The following ABCC2 variants were observed in gnomAD, a reference collection of about 807,000 sequenced individuals.
ABCC2 encodes the protein ATP-binding cassette sub-family C member 2.
A neutral mutation model predicts 173.4 loss-of-function variants in ABCC2; 157 were observed. The ratio of observed to expected loss-of-function variants is 0.91; its 90% CI spans 0.80 to 1.03. The LOEUF (loss-of-function observed/expected upper bound fraction) is 1.03, where lower values mean the gene tolerates loss of function less well. ABCC2 is among the 50% of genes least tolerant of loss of function. The pLI is 0.00. For missense variants in ABCC2, 1,822 were observed against 1,852.3 expected (o/e 0.98, Z 0.30); for synonymous variants, 657 against 693.5 (o/e 0.95, Z 0.83).
At chr10:99,797,432 T>A in intron 7 of ABCC2, 101 bp downstream of exon 7, 1 of 987,266 alleles carries the variant, frequency 1.0e-6, no homozygotes, top group Non-Finnish European at 1.6e-6. Flanking sequence ...TAGCACTTCA[T>A]ACTTCTCAGT....
intron 16 of ABCC2, 44 bp from the exon 17 acceptor site, chr10:99,817,264 T>C (rs746117065): frequency 1.9e-6 from 3 of 1,603,790 alleles, no homozygotes; most frequent in Middle Eastern, 1.7e-4. Context: ...ACCCTGCGTT[T>C]CTGGAGGTGC....
intron 2 of ABCC2, chr10:99,789,172 T>G (rs957354710): frequency 6.6e-6 from 1 of 152,308 alleles, no homozygotes; most frequent in African/African-American, 2.4e-5. Flanking sequence ...TGCTCTTCTC[T>G]GCAGAAATGT....
intron 16 of ABCC2, among the ~76,000 whole-genome samples, chr10:99,814,241 G>A (rs369141554): frequency 0.33 from 13,059 of 39,392 alleles, 2,860 homozygotes; most frequent in African/African-American, 0.49. Flanking sequence ...GTGTATATAT[G>A]CACACACGTA....
chr10:99,818,998 T>C (rs753013428), intron 18 of ABCC2, 41 bp downstream of exon 18: 2 of 1,522,530 alleles, frequency 1.3e-6, no homozygotes, highest in African/African-American at 1.4e-5. Context: ...AAAGGTGGGG[T>C]GGGAGGGAGA....
intron 16 of ABCC2, among the ~76,000 whole-genome samples, chr10:99,814,424 CAT>C (rs1482790922): frequency 7.5e-6 from 1 of 133,352 alleles, no homozygotes; most frequent in Non-Finnish European, 1.6e-5. Flanking sequence ...TATATGTGTG[CAT>C]ATATGTGTAT....
chr10:99,819,251 C>A lies in ABCC2; in HGVS notation c.2602C>A (p.Pro868Thr), dbSNP rs750846958. ...NLKTFLRHTG[P>T]EEEATVHDGS... ...GAAGACATTTCTAAGACATACAGGC[C>A]CTGAAGAGGAAGCCACAGGTATGTA... is the stretch of plus-strand genomic sequence containing the variant. The change falls in exon 19 of 32, where the codon CCT becomes ACT. Residue 868 changes from proline to threonine, a missense_variant. By Grantham distance (38) the Pro-to-Thr change is conservative (BLOSUM62 -1). Coordinates refer to ENST00000647814, the MANE Select transcript of ABCC2 (RefSeq NM_000392.5). 2 of 1,613,500 alleles carry A rather than the reference C, an allele frequency of 1.2e-6. No homozygotes were observed. Among genetic ancestry groups the A allele is most frequent in the East Asian group, 4.5e-5 (2 of 44,886 alleles).
chr10:99,803,983 T>A, intron 9 of ABCC2, 36 bp from the exon 10 acceptor site: 1 of 1,613,920 alleles, frequency 6.2e-7, no homozygotes, highest in East Asian at 2.2e-5. Context: ...ATCCTTGGCT[T>A]TGTCCATGGG....
intron 25 of ABCC2, among the ~76,000 whole-genome samples, chr10:99,837,175 G>T: frequency 8.0e-6 from 1 of 124,356 alleles, no homozygotes; most frequent in Non-Finnish European, 1.7e-5. Flanking sequence ...CCCTCTTGTT[G>T]CCCAGGCTGG....
chr10:99,806,217 C>T (rs2756111), intron 11 of ABCC2, among the ~76,000 whole-genome samples: 145,404 of 152,172 alleles, frequency 0.96, 69,495 homozygotes, highest in East Asian at 1. Context: ...GATTTGGGGG[C>T]GGGAGTACAA....
chr10:99,826,523 T>C (rs867507474), intron 19 of ABCC2, among the ~76,000 whole-genome samples: 233 of 151,752 alleles, frequency 1.5e-3, no homozygotes, highest in Non-Finnish European at 2.4e-3. Flanking sequence ...TTCCTGGGTC[T>C]TGGATTTTTT....
In ABCC2 at chr10:99,793,628, T is replaced by C; in HGVS notation, c.411T>C (p.Ile137=). Residue 137 remains isoleucine (I), a synonymous_variant, in exon 4 of 32, where the codon ATT becomes ATC. Coordinates refer to ENST00000647814, the MANE Select transcript of ABCC2 (RefSeq NM_000392.5). ...KNSWFLSLFW[I]LSILCGTFQF... Reference sequence around the variant, plus strand: ...CCTGGTTCCTGTCCCTATTCTGGATTCTCTCGATACTCTGTGGCACTTTCC... The same window carrying C: ...CCTGGTTCCTGTCCCTATTCTGGATCCTCTCGATACTCTGTGGCACTTTCC... 7 of 1,614,124 alleles carry C rather than the reference T, an allele frequency of 4.3e-6. No homozygotes were observed. The highest frequency in any genetic ancestry group is 5.9e-6 in the Non-Finnish European group (7 of 1,180,008).
Position 99,810,235 on chromosome 10 carries a change from G to T in ABCC2, c.1900+17G>T. The T allele has an allele frequency of 6.2e-7, 1 of 1,609,230 alleles. No individual in the cohort carries two copies. ...GCAATTTTGGTAAATAAATTTGGAA[G>T]TTGCTTCCCAAACTTATTCGCAGTA... is the stretch of plus-strand genomic sequence containing the variant. On this transcript the variant is annotated intron_variant, in intron 14 of 31. Coordinates refer to ENST00000647814, the MANE Select transcript of ABCC2 (RefSeq NM_000392.5).
In ABCC2 at chr10:99,845,728, T is replaced by C; in HGVS notation, c.4092T>C (p.Asp1364=). The change falls in exon 29 of 32, where the codon GAT becomes GAC. Residue 1364 remains aspartate, a synonymous_variant. Transcript: ENST00000647814. ...AGGQIIIDGV[D]IASIGLHDLR... is the part of the protein sequence containing the mutation. ...GTCAGATTATCATTGATGGAGTAGA[T>C]ATTGCTTCCATTGGGCTCCACGACC... The C allele has an allele frequency of 6.2e-7, 1 of 1,613,836 alleles. No individual in the cohort carries two copies. The highest frequency in any genetic ancestry group is 1.1e-5 in the South Asian group (1 of 91,046).
intron 7 of ABCC2, among the ~76,000 whole-genome samples, chr10:99,798,820 G>T (rs2037964035): frequency 6.6e-6 from 1 of 152,062 alleles, no homozygotes; most frequent in Admixed American, 6.6e-5. Context: ...TGGGGGTGGG[G>T]ATACAATTCA....
In ABCC2 at chr10:99,784,600, G is replaced by A. The variant is rs17222610; in HGVS notation, c.34-8G>A. On this transcript the variant is annotated splice_polypyrimidine_tract_variant and splice_region_variant and intron_variant, in intron 1 of 31. Transcript: ENST00000647814. ...TGTATGCAACAATCCTTCCCCTTTG[G>A]TCTCCAGAATTCCTCATTCCTGGAC... The A allele has an allele frequency of 7.9e-4, 1,276 of 1,613,734 alleles. 9 individuals carry two copies. In the African/African-American group the frequency reaches 0.014, roughly 18 times the overall value.
chr10:99,828,065 C>G (rs1240045790), intron 19 of ABCC2, among the ~76,000 whole-genome samples: 1 of 149,362 alleles, frequency 6.7e-6, no homozygotes, highest in East Asian at 2.0e-4. Context: ...GCTCAGTCAA[C>G]CACATCACCA....
intron 2 of ABCC2, among the ~76,000 whole-genome samples, chr10:99,785,471 T>A (rs763913097): frequency 1.4e-4 from 21 of 152,084 alleles, no homozygotes; most frequent in Non-Finnish European, 2.4e-4. Flanking sequence ...CATAAAATCT[T>A]CCATCTGCTT....
intron 2 of ABCC2, among the ~76,000 whole-genome samples, chr10:99,785,626 T>A (rs2037695194): frequency 6.6e-6 from 1 of 152,048 alleles, no homozygotes; most frequent in African/African-American, 2.4e-5. Context: ...AAGCAATTCT[T>A]ATGCCTCAAC....
rs1440176244 is a variant in ABCC2 at position 99,841,989 on chromosome 10, C to G, written c.3637C>G (p.Leu1213Val). The G allele has an allele frequency of 1.2e-6, 2 of 1,614,052 alleles. No homozygotes were observed. The highest frequency in any genetic ancestry group is 1.7e-6 in the Non-Finnish European group (2 of 1,180,032). Residue 1213 changes from leucine to valine, a missense_variant, in exon 26 of 32, where the codon CTG becomes GTG. Leu to Val is a conservative substitution (Grantham distance 32). Coordinates refer to ENST00000647814, the MANE Select transcript of ABCC2 (RefSeq NM_000392.5). ...CAGGTGGCTTGCAATTCGCCTGGAG[C>G]TGGTTGGGAACCTGACTGTCTTCTT... ...SNRWLAIRLE[L>V]VGNLTVFFSA... is the part of the protein sequence containing the mutation.
Sources: gnomAD v4.1 joint callset for allele counts (sites outside exome capture counted in the v4.1 genomes callset) on GRCh38, gnomAD v4.1.1 for gene constraint, MANE v1.5 for transcripts, NCBI Gene and HGNC (gene_info 2026-07-23, HGNC 2026-07-21) for gene names.